The following LTBP1 variants were observed in gnomAD, a reference collection of about 807,000 sequenced individuals.
LTBP1 encodes the protein latent-transforming growth factor beta-binding protein 1.
LTBP1 carries 129 observed loss-of-function variants against 207.6 expected under a neutral mutation model. The ratio of observed to expected loss-of-function variants is 0.62; its 90% CI spans 0.54 to 0.72. The LOEUF (loss-of-function observed/expected upper bound fraction) is 0.72. Ranked by LOEUF, LTBP1 falls within the 30% of genes least tolerant of loss-of-function variation. The pLI, the probability that LTBP1 is intolerant of heterozygous loss-of-function variation, is 0.00. For missense variants in LTBP1, 2,281 were observed against 2,217.2 expected, an observed-to-expected ratio of 1.03 and a Z score of -0.58; for synonymous variants, 963 against 833.7, an observed-to-expected ratio of 1.16 and a Z score of -2.67.
At chr2:33,194,304 A>G (rs1464720732) in intron 7 of LTBP1, among the ~76,000 whole-genome samples, 1 of 152,158 alleles carries the variant, frequency 6.6e-6, no homozygotes, top group Non-Finnish European at 1.5e-5. Context: ...ACTTTAAATC[A>G]AAAGCTAAAA....
At chr2:33,207,617 C>A (rs370446937) in intron 7 of LTBP1, among the ~76,000 whole-genome samples, 1 of 152,218 alleles carries the variant, frequency 6.6e-6, no homozygotes, top group Non-Finnish European at 1.5e-5. Flanking sequence ...TTTTCCTCTT[C>A]TTATGAGACA....
chr2:32,969,281 A>G (rs1680497108), intron 2 of LTBP1, among the ~76,000 whole-genome samples: 3 of 147,056 alleles, frequency 2.0e-5, no homozygotes, highest in Admixed American at 1.4e-4. Flanking sequence ...GTTTTAATTT[A>G]AAAAGTTTTA....
At chr2:33,099,493 T>A (rs1217102340) in intron 3 of LTBP1, among the ~76,000 whole-genome samples, 2 of 152,224 alleles carry the variant, frequency 1.3e-5, no homozygotes, top group Non-Finnish European at 2.9e-5. Flanking sequence ...AGAACAGTTT[T>A]GGAGCTACAG....
intron 2 of LTBP1, among the ~76,000 whole-genome samples, chr2:32,950,251 G>A (rs1325343980): frequency 6.6e-6 from 1 of 152,188 alleles, no homozygotes; most frequent in Non-Finnish European, 1.5e-5. Flanking sequence ...ATATTGCTGA[G>A]TAAAGGTTAA....
Position 33,004,152 on chromosome 2 carries a change from A to C in LTBP1, c.566-16757A>C, listed in dbSNP as rs148984395. Among the ~76,000 whole-genome samples the C allele has an allele frequency of 7.6e-3, 1,149 of 151,054 alleles. 16 individuals are homozygous for C. Among genetic ancestry groups the C allele is most frequent in the African/African-American group, 0.026 (1,055 of 41,088 alleles). On this transcript the variant is annotated intron_variant, in intron 2 of 33. Transcript: ENST00000404816. ...TCGCTGATTGTTACTTAGGTTTGAT[A>C]AGGTAAAGTCTTTTAAAGATGGAGC...
chr2:32,959,621 A>ATATATATATATATATTTTTTTTT (rs1475834284), intron 2 of LTBP1, among the ~76,000 whole-genome samples: 1 of 36,668 alleles, frequency 2.7e-5, no homozygotes, highest in African/African-American at 9.6e-5. Flanking sequence ...ATATATATAT[A>ATATATATATATATATTTTTTTTT]TTTTTTTTTT....
At chr2:33,228,784 C>T (rs1233109808) in intron 9 of LTBP1, among the ~76,000 whole-genome samples, 1 of 145,030 alleles carries the variant, frequency 6.9e-6, no homozygotes, top group African/African-American at 2.6e-5. Context: ...ACTGCAATCT[C>T]CGCCTCCTGG....
intron 3 of LTBP1, among the ~76,000 whole-genome samples, chr2:33,026,279 CT>C (rs1482824567): frequency 1.3e-5 from 2 of 152,156 alleles, no homozygotes; most frequent in Admixed American, 1.3e-4. Context: ...CACCAACTCT[CT>C]CCCAGGTTTC....
At chr2:33,077,143 C>T (rs944323328) in intron 3 of LTBP1, among the ~76,000 whole-genome samples, 3 of 152,080 alleles carry the variant, frequency 2.0e-5, no homozygotes, top group African/African-American at 4.8e-5. Context: ...GGAGAATGTT[C>T]CATATAAGCT....
At chr2:33,148,513 A>G (rs992087532) in intron 5 of LTBP1, among the ~76,000 whole-genome samples, 8 of 152,178 alleles carry the variant, frequency 5.3e-5, no homozygotes, top group African/African-American at 1.2e-4. Context: ...TGGTATCACA[A>G]AATTGCAACT....
At chr2:33,305,606 T>A (rs2094076584) in intron 22 of LTBP1, among the ~76,000 whole-genome samples, 1 of 152,140 alleles carries the variant, frequency 6.6e-6, no homozygotes. Context: ...AAGATGAATA[T>A]TTGAAGGAAG....
At chr2:33,011,808 T>C (rs1459580518) in intron 2 of LTBP1, among the ~76,000 whole-genome samples, 2 of 152,020 alleles carry the variant, frequency 1.3e-5, no homozygotes, top group East Asian at 3.9e-4. Flanking sequence ...ATATTATAAT[T>C]TATCCTCCCA....
chr2:33,221,396 G>A (rs1343147693), intron 8 of LTBP1, among the ~76,000 whole-genome samples: 1 of 152,194 alleles, frequency 6.6e-6, no homozygotes, highest in Non-Finnish European at 1.5e-5. Context: ...CATCCGCTAT[G>A]CCAGGTGCTC....
chr2:33,387,379 T>G (rs1301663883), intron 31 of LTBP1, among the ~76,000 whole-genome samples: 2 of 152,252 alleles, frequency 1.3e-5, no homozygotes, highest in Non-Finnish European at 2.9e-5. Context: ...TTGAAGTAGT[T>G]CTTTTCTTTT....
intron 17 of LTBP1, among the ~76,000 whole-genome samples, chr2:33,275,572 T>C (rs1338641544): frequency 1.3e-5 from 2 of 151,842 alleles, no homozygotes; most frequent in Non-Finnish European, 2.9e-5. Context: ...TAATCCCAGC[T>C]ACTTGGGAGG....
chr2:33,078,277 G>T (rs2078192022), intron 3 of LTBP1, among the ~76,000 whole-genome samples: 1 of 152,226 alleles, frequency 6.6e-6, no homozygotes, highest in African/African-American at 2.4e-5. Context: ...GGAAGGCTGT[G>T]TCTCTGACCT....
intron 9 of LTBP1, among the ~76,000 whole-genome samples, chr2:33,226,515 G>A (rs1031512520): frequency 5.3e-5 from 8 of 152,302 alleles, no homozygotes; most frequent in East Asian, 1.9e-4. Context: ...CCCAGAGGTG[G>A]GGTGGCCCAG....
At chr2:33,347,614 G>A in intron 26 of LTBP1, 104 bp downstream of exon 26, 1 of 1,376,994 alleles carries the variant, frequency 7.3e-7, no homozygotes, top group Non-Finnish European at 1.0e-6. Flanking sequence ...GAAGCAGCCA[G>A]ATGTCCTGAC....
At chr2:33,229,857 A>G (rs533855685) in intron 9 of LTBP1, among the ~76,000 whole-genome samples, 1 of 152,330 alleles carries the variant, frequency 6.6e-6, no homozygotes, top group South Asian at 2.1e-4. Context: ...CTTTTTGGCA[A>G]TGATTCTAAA....
Sources: gnomAD v4.1 joint callset for allele counts (sites outside exome capture counted in the v4.1 genomes callset) on GRCh38, gnomAD v4.1.1 for gene constraint, MANE v1.5 for transcripts, NCBI Gene and HGNC (gene_info 2026-07-23, HGNC 2026-07-21) for gene names.